TCF4: variants seen among roughly 807,000 people sequenced by gnomAD.
TCF4 encodes the protein SL3-3 enhancer factor 2.
Under a neutral mutation model 82.1 loss-of-function variants are expected in TCF4, and 3 were observed. The observed-to-expected ratio is 0.04, with a 90% confidence interval of 0.02 to 0.09. The LOEUF is 0.09. Ranked by LOEUF, TCF4 falls within the 10% of genes least tolerant of loss-of-function variation. The pLI is 1.00. For synonymous variants in TCF4, 276 were observed against 309.6 expected (o/e 0.89, Z 1.14); for missense variants, 518 against 852.7 (o/e 0.61, Z 4.89).
intron 5 of TCF4, chr18:55,403,822 C>T (rs937678681): frequency 1.3e-5 from 20 of 1,496,058 alleles, no homozygotes; most frequent in East Asian, 7.4e-5. Flanking sequence ...TTCTCTTGCA[C>T]AAAATTTAAA....
intron 2 of TCF4, among the ~76,000 whole-genome samples, chr18:55,604,313 G>T (rs2097700229): frequency 6.6e-6 from 1 of 151,924 alleles, no homozygotes. Context: ...GCTCCATTGT[G>T]TGTCAAGGAC....
Position 55,351,165 on chromosome 18 carries a change from G to C in TCF4, c.370-162C>G, listed in dbSNP as rs1350384347. ...AAAACCCAAAAGAAAGGCAGTCTAA[G>C]AAGCTATCACAAAGTTTGTGAATTT... On this transcript the variant is annotated intron_variant, in intron 6 of 19. Coordinates refer to ENST00000354452, the MANE Select transcript of TCF4 (RefSeq NM_001083962.2). 4.6e-5 allele frequency: 37 copies of C among 806,164 alleles called. 1 individual carries two copies. The Admixed American group carries it at 1.1e-3, about 23-fold the overall frequency. 49.9% of individuals were successfully genotyped at this position (806,164 alleles called of 1,614,324 possible). A position where few individuals can be genotyped will look rare whatever the true frequency, so the allele number is the denominator to read the frequency against.
chr18:55,564,427 G>C (rs2097383172), intron 3 of TCF4, among the ~76,000 whole-genome samples: 1 of 152,214 alleles, frequency 6.6e-6, no homozygotes, highest in African/African-American at 2.4e-5. Flanking sequence ...TCAAAGTGCA[G>C]AAAGTACTTA....
chr18:55,292,502 G>A (rs1212690682), intron 8 of TCF4, among the ~76,000 whole-genome samples: 1 of 152,102 alleles, frequency 6.6e-6, no homozygotes, highest in African/African-American at 2.4e-5. Flanking sequence ...TGTCTTTTTT[G>A]TCTTCCTTGA....
At chr18:55,229,759 A>T (rs1191273196) in intron 17 of TCF4, 1 of 152,626 alleles carries the variant, frequency 6.6e-6, no homozygotes, top group African/African-American at 2.4e-5. Flanking sequence ...CAAAAACATG[A>T]CTTCCATGGT....
chr18:55,340,220 TG>T (rs2079564291), intron 8 of TCF4, among the ~76,000 whole-genome samples: 1 of 152,138 alleles, frequency 6.6e-6, no homozygotes, highest in African/African-American at 2.4e-5. Context: ...AACAAATTAT[TG>T]GCCAAGGGAA....
At chr18:55,274,987 C>G (rs2061171517) in intron 10 of TCF4, among the ~76,000 whole-genome samples, 1 of 152,026 alleles carries the variant, frequency 6.6e-6, no homozygotes. Flanking sequence ...CATTCTAGAG[C>G]CCACCAGTTT....
At chr18:55,363,086 A>T (rs529147403) in intron 6 of TCF4, among the ~76,000 whole-genome samples, 1 of 152,354 alleles carries the variant, frequency 6.6e-6, no homozygotes, top group South Asian at 2.1e-4. Flanking sequence ...TAGGGTAGAG[A>T]AGACACAAAT....
At chr18:55,545,013 T>C (rs778855621) in intron 3 of TCF4, among the ~76,000 whole-genome samples, 40 of 152,302 alleles carry the variant, frequency 2.6e-4, no homozygotes, top group African/African-American at 5.5e-4. Context: ...CTAGAGGTAA[T>C]AGACAGTAGT....
chr18:55,433,007 G>A (rs942085433), intron 5 of TCF4, among the ~76,000 whole-genome samples: 1 of 152,204 alleles, frequency 6.6e-6, no homozygotes, highest in Admixed American at 6.5e-5. Context: ...TGGTTTAGCA[G>A]TGTGCTGAAA....
intron 2 of TCF4, among the ~76,000 whole-genome samples, chr18:55,610,499 G>A (rs984845671): frequency 1.3e-5 from 2 of 152,164 alleles, no homozygotes; most frequent in African/African-American, 4.8e-5. Flanking sequence ...GACTTGGTGA[G>A]TGTTTCATTG....
intron 3 of TCF4, among the ~76,000 whole-genome samples, chr18:55,473,992 C>T (rs944270028): frequency 6.6e-6 from 1 of 152,158 alleles, no homozygotes; most frequent in Admixed American, 6.5e-5. Context: ...CAGCAGAACA[C>T]GCAGTTCCTA....
intron 5 of TCF4, among the ~76,000 whole-genome samples, chr18:55,426,785 A>G (rs2095002782): frequency 6.6e-6 from 1 of 152,156 alleles, no homozygotes. Flanking sequence ...ATAAATATGT[A>G]CTTCTATATA....
intron 3 of TCF4, among the ~76,000 whole-genome samples, chr18:55,528,909 G>A (rs1365304689): frequency 6.6e-6 from 1 of 152,194 alleles, no homozygotes; most frequent in African/African-American, 2.4e-5. Context: ...TGGACACAGT[G>A]GCTCATGCCT....
intron 15 of TCF4, among the ~76,000 whole-genome samples, chr18:55,236,077 G>A (rs1192555858): frequency 1.3e-5 from 2 of 151,840 alleles, no homozygotes; most frequent in African/African-American, 4.8e-5. Flanking sequence ...GCATGTGTGT[G>A]TGTGTGTGTG....
At chr18:55,556,138 C>A (rs1159965512) in intron 3 of TCF4, among the ~76,000 whole-genome samples, 1 of 151,196 alleles carries the variant, frequency 6.6e-6, no homozygotes, top group Non-Finnish European at 1.5e-5. Flanking sequence ...AGCTTATATA[C>A]CTTTATCTTT....
chr18:55,522,842 A>G (rs1199277211), intron 3 of TCF4, among the ~76,000 whole-genome samples: 1 of 152,118 alleles, frequency 6.6e-6, no homozygotes, highest in Non-Finnish European at 1.5e-5. Flanking sequence ...AAAAACTTTA[A>G]AAACTGAAAA....
At chr18:55,303,893 T>A (rs763127441) in intron 8 of TCF4, among the ~76,000 whole-genome samples, 1 of 152,134 alleles carries the variant, frequency 6.6e-6, no homozygotes, top group Non-Finnish European at 1.5e-5. Flanking sequence ...AATAAATCCA[T>A]CTGGTTTAAA....
At chr18:55,455,159 AAC>A (rs1378098887) in intron 5 of TCF4, among the ~76,000 whole-genome samples, 1 of 145,628 alleles carries the variant, frequency 6.9e-6, no homozygotes, top group Non-Finnish European at 1.5e-5. Flanking sequence ...CAGTCTGGGC[AAC>A]AGAGAGAGAC....
Sources: gnomAD v4.1 joint callset for allele counts (sites outside exome capture counted in the v4.1 genomes callset) on GRCh38, gnomAD v4.1.1 for gene constraint, MANE v1.5 for transcripts, NCBI Gene and HGNC (gene_info 2026-07-23, HGNC 2026-07-21) for gene names.